ZNF331: variants seen among roughly 807,000 people sequenced by gnomAD.
ZNF331 encodes the protein zinc finger protein 331, also known as C2H2-like zinc finger protein rearranged in thyroid adenomas.
A neutral mutation model predicts 7.0 loss-of-function variants in ZNF331; 2 were observed. The ratio of observed to expected loss-of-function variants is 0.29; its 90% CI spans 0.12 to 0.90. The LOEUF (loss-of-function observed/expected upper bound fraction) is 0.90, where lower values mean the gene tolerates loss of function less well. ZNF331 is among the 40% of genes least tolerant of loss of function. The pLI is 0.58. For missense variants in ZNF331, 432 were observed against 587.7 expected, an observed-to-expected ratio of 0.74 and a Z score of 2.74; for synonymous variants, 196 against 205.4, an observed-to-expected ratio of 0.95 and a Z score of 0.39.
At chr19:53,518,742 C>T (rs1232086354), upstream of ZNF331, among the ~76,000 whole-genome samples, 1 of 152,236 alleles carries the variant, frequency 6.6e-6, no homozygotes, top group Non-Finnish European at 1.5e-5. Context: ...GTTAACAAGT[C>T]AGTCCAAGGA....
rs1220461117 is a variant in ZNF331, at chr19:53,573,047, T to G, written c.136+1317T>G. On this transcript the variant is annotated intron_variant, in intron 5 of 5. Transcript: ENST00000449416. This position sits in a 1 kb window ranked among gnomAD's most constrained non-coding sequence, Gnocchi z 4.2. The stretch of plus-strand genomic sequence containing the variant: ...CAGCCTGGCCAACATGGTGAAACCC[T>G]GTCTCTACTAAAAATATAAAAATTA... 1.3e-5 allele frequency among the ~76,000 whole-genome samples: 2 copies of G among 151,906 alleles called. No homozygotes were observed. The highest frequency in any genetic ancestry group is 2.9e-5 in the Non-Finnish European group (2 of 67,978).
chr19:53,576,729 C>T lies in ZNF331; in HGVS notation c.169C>T (p.Pro57Ser), dbSNP rs1404324371. 2 of 1,611,026 alleles carry T rather than the reference C, an allele frequency of 1.2e-6. No homozygotes were observed. Among genetic ancestry groups the T allele is most frequent in the Admixed American group, 1.7e-5 (1 of 59,274 alleles). Reference protein sequence around the residue: ...LESAYENKSLPTEKNIHEIRA... With the variant: ...LESAYENKSLSTEKNIHEIRA... The stretch of plus-strand genomic sequence containing the variant: ...GTCAGCATATGAAAATAAGAGTTTA[C>T]CTACAGAAAAAAACATTCATGAAAT... Residue 57 changes from proline to serine, a missense_variant, in exon 6 of 6, where the codon CCT becomes TCT. Transcript: ENST00000449416.
At chr19:53,540,496 A>C (rs1202054666) in intron 2 of ZNF331, among the ~76,000 whole-genome samples, 1 of 151,964 alleles carries the variant, frequency 6.6e-6, no homozygotes, top group Admixed American at 6.6e-5. Context: ...GCAGTGGCAC[A>C]ATCTTGGCTC....
chr19:53,517,200 C>T (rs1473082609), upstream of ZNF331, among the ~76,000 whole-genome samples: 1 of 152,128 alleles, frequency 6.6e-6, no homozygotes, highest in East Asian at 1.9e-4. Flanking sequence ...ACCTGATGTA[C>T]AGAGTTGTAT....
At chr19:53,557,213 C>T (rs1287336720) in intron 3 of ZNF331, among the ~76,000 whole-genome samples, 3 of 152,146 alleles carry the variant, frequency 2.0e-5, no homozygotes, top group Non-Finnish European at 2.9e-5. Flanking sequence ...CCATTTCCAC[C>T]TCCCAAAGTG....
chr19:53,519,556 A>G (rs2086990410), upstream of ZNF331, among the ~76,000 whole-genome samples: 1 of 152,216 alleles, frequency 6.6e-6, no homozygotes, highest in Non-Finnish European at 1.5e-5. Flanking sequence ...ATCCCACCGG[A>G]AAAAGGGCCA....
chr19:53,508,605 C>A, the ZNF331 span, among the ~76,000 whole-genome samples: 1 of 152,016 alleles, frequency 6.6e-6, no homozygotes, highest in Admixed American at 6.5e-5. Flanking sequence ...TTCTTGACAG[C>A]CTCCAGGATC....
Position 53,578,367 on chromosome 19 carries a change from A to C in ZNF331, c.*415A>C. 1 of 238,880 alleles carries C rather than the reference A, an allele frequency of 4.2e-6. No individual in the cohort carries two copies. The highest frequency in any genetic ancestry group is 5.2e-5 in the Admixed American group (1 of 19,394). The allele number at this position is 238,880 out of a possible 1,614,324, so 14.8% of individuals were successfully genotyped here. A position where few individuals can be genotyped will look rare whatever the true frequency, so the allele number is the denominator to read the frequency against. On this transcript the variant is annotated 3_prime_UTR_variant, in exon 6 of 6. Coordinates refer to ENST00000449416, the MANE Select transcript of ZNF331 (RefSeq NM_001079906.2). ...CACAAAGTGCTTCCTTTTAAATGAA[A>C]AGGTGAAAGTTCTCAACTTAAAAAA...
intron 3 of ZNF331, among the ~76,000 whole-genome samples, chr19:53,566,760 A>G (rs2090175961): frequency 1.3e-5 from 2 of 152,224 alleles, no homozygotes; most frequent in South Asian, 2.1e-4. Flanking sequence ...CAGCCTAAGC[A>G]TGGCAGTTTC....
chr19:53,511,993 A>C, the ZNF331 span: 1 of 152,262 alleles, frequency 6.6e-6, no homozygotes, highest in African/African-American at 2.4e-5. Context: ...CGTGTGTCTA[A>C]AGTCATCCCT....
chr19:53,546,659 C>G (rs2088639151), intron 2 of ZNF331, among the ~76,000 whole-genome samples: 1 of 152,050 alleles, frequency 6.6e-6, no homozygotes, highest in African/African-American at 2.4e-5. Flanking sequence ...TATCTTTGGT[C>G]TTTTCCATGG....
At chr19:53,564,076 T>A (rs1470804889) in intron 3 of ZNF331, among the ~76,000 whole-genome samples, 2 of 12,996 alleles carry the variant, frequency 1.5e-4, no homozygotes, top group Non-Finnish European at 3.1e-4. Context: ...CCTGCATTCT[T>A]TTTTTTTTTT....
chr19:53,570,887 C>T (rs769080730), intron 4 of ZNF331, among the ~76,000 whole-genome samples: 8 of 138,034 alleles, frequency 5.8e-5, no homozygotes, highest in Non-Finnish European at 1.1e-4. Context: ...GACAGAGTCT[C>T]GCTCTGTCGC....
intron 5 of ZNF331, among the ~76,000 whole-genome samples, chr19:53,575,499 C>CTTT (rs34296898): frequency 0.013 from 979 of 75,924 alleles, 13 homozygotes; most frequent in Non-Finnish European, 0.016. Context: ...TACCCAGTTG[C>CTTT]TTTTTTTTTT....
intron 3 of ZNF331, 140 bp downstream of exon 3, chr19:53,556,048 T>A (rs964185418): frequency 6.6e-6 from 1 of 151,462 alleles, no homozygotes; most frequent in African/African-American, 2.4e-5. Context: ...ATCGAGACCA[T>A]CCTGGCTAAC....
At chr19:53,533,750 C>T (rs1392561411), upstream of ZNF331, among the ~76,000 whole-genome samples, 1 of 152,088 alleles carries the variant, frequency 6.6e-6, no homozygotes, top group East Asian at 1.9e-4. Context: ...GACTTTCTTT[C>T]TCTTCTTATA....
the ZNF331 span, among the ~76,000 whole-genome samples, chr19:53,507,500 G>A: frequency 2.0e-5 from 3 of 152,168 alleles, no homozygotes; most frequent in Admixed American, 2.0e-4. Flanking sequence ...TCTATCATCG[G>A]TGAAAATTTT....
intron 2 of ZNF331, among the ~76,000 whole-genome samples, chr19:53,548,504 A>G (rs2088775287): frequency 6.6e-6 from 1 of 151,898 alleles, no homozygotes; most frequent in Non-Finnish European, 1.5e-5. Context: ...CAGTCCTCCC[A>G]TCTCGGCCTT....
chr19:53,541,396 G>A (rs905181634), intron 2 of ZNF331, among the ~76,000 whole-genome samples: 3 of 152,020 alleles, frequency 2.0e-5, no homozygotes, highest in Admixed American at 6.5e-5. Context: ...GTGAGCCACC[G>A]TGCCCGGCCT....
Sources: gnomAD v4.1 joint callset for allele counts (sites outside exome capture counted in the v4.1 genomes callset) on GRCh38, gnomAD v4.1.1 for gene constraint, Gnocchi (gnomAD v3.1) non-coding constraint, MANE v1.5 for transcripts, NCBI Gene and HGNC (gene_info 2026-07-23, HGNC 2026-07-21) for gene names.